The following CACHD1 variants were observed in gnomAD, a reference collection of about 807,000 sequenced individuals.
CACHD1 encodes VWFA and cache domain-containing protein 1.
A neutral mutation model predicts 138.7 loss-of-function variants in CACHD1; 71 were observed. The observed-to-expected ratio is 0.51, with a 90% CI of 0.42 to 0.62. The LOEUF is 0.62. Ranked by LOEUF, CACHD1 falls within the 20% of genes least tolerant of loss-of-function variation. The probability of loss-of-function intolerance (pLI) is 0.00; values close to 1 mark genes in which losing one functional copy is unlikely to be tolerated. For synonymous variants in CACHD1, 578 were observed against 591.5 expected, an observed-to-expected ratio of 0.98 and a Z score of 0.33; for missense variants, 1,389 against 1,625.3, an observed-to-expected ratio of 0.85 and a Z score of 2.50.
chr1:64,478,353 C>A (rs1646188895), intron 1 of CACHD1, among the ~76,000 whole-genome samples: 1 of 152,148 alleles, frequency 6.6e-6, no homozygotes, highest in African/African-American at 2.4e-5. Flanking sequence ...GGCATATAGT[C>A]TAGGCACACA....
At chr1:64,483,515 T>C (rs1646223387) in intron 1 of CACHD1, among the ~76,000 whole-genome samples, 1 of 151,708 alleles carries the variant, frequency 6.6e-6, no homozygotes. Flanking sequence ...TGAGTAATGT[T>C]TTGAAGGAAA....
At chr1:64,476,516 C>T (rs1040043113) in intron 1 of CACHD1, among the ~76,000 whole-genome samples, 4 of 152,220 alleles carry the variant, frequency 2.6e-5, no homozygotes, top group East Asian at 3.8e-4. Flanking sequence ...TTTGATTCTA[C>T]GCCTTGTGTA....
intron 24 of CACHD1, among the ~76,000 whole-genome samples, 194 bp from the exon 25 acceptor site, chr1:64,681,061 CTTG>C (rs1268828058): frequency 6.6e-6 from 1 of 152,100 alleles, no homozygotes; most frequent in Non-Finnish European, 1.5e-5. Flanking sequence ...CTCTTGATTA[CTTG>C]TTCTTCTTGT....
At chr1:64,623,459 A>G (rs1647987181) in intron 4 of CACHD1, among the ~76,000 whole-genome samples, 1 of 39,788 alleles carries the variant, frequency 2.5e-5, no homozygotes, top group Non-Finnish European at 5.4e-5. Flanking sequence ...ACACAAACAT[A>G]CAGATCATCC....
In CACHD1 at chr1:64,629,359, T is replaced by C; in HGVS notation, c.522T>C (p.Leu174=). 1 of 1,613,990 alleles carries C rather than the reference T, an allele frequency of 6.2e-7. No individual in the cohort carries two copies. The highest frequency in any genetic ancestry group is 8.5e-7 in the Non-Finnish European group (1 of 1,179,922). The change falls in exon 5 of 27, where the codon CTT becomes CTC. Residue 174 remains leucine (L), a synonymous_variant. Coordinates refer to ENST00000651257, the MANE Select transcript of CACHD1 (RefSeq NM_020925.4). Reference sequence around the variant, plus strand: ...TCATTTTCCTTACACCTCTAGTTCTTGCAGACAACCTGAAATCCAACCCTG... The same window carrying C: ...TCATTTTCCTTACACCTCTAGTTCTCGCAGACAACCTGAAATCCAACCCTG... ...FNPGRDLNSV[L]ADNLKSNPGI...
intron 6 of CACHD1, among the ~76,000 whole-genome samples, chr1:64,633,047 A>G (rs1296869089): frequency 1.3e-5 from 2 of 152,200 alleles, no homozygotes; most frequent in Non-Finnish European, 2.9e-5. Flanking sequence ...AATACAGTAC[A>G]CTGCAGAATA....
intron 8 of CACHD1, among the ~76,000 whole-genome samples, chr1:64,644,881 T>G (rs1189388491): frequency 1.3e-5 from 2 of 152,210 alleles, no homozygotes; most frequent in Non-Finnish European, 2.9e-5. Context: ...GCGGATCACC[T>G]GAGGTCAGGA....
rs149581482 is a variant in CACHD1 at position 64,600,153 on chromosome 1, T to C, written c.411-2653T>C. ...GCAAAGTCCAGATGTCAGCTGCAGA[T>C]GTACCTCAGAACTACCCTATTCTCT... On this transcript the variant is annotated intron_variant, in intron 3 of 26. Coordinates refer to ENST00000651257, the MANE Select transcript of CACHD1 (RefSeq NM_020925.4). Among the ~76,000 whole-genome samples, 78 of 152,288 alleles carry C rather than the reference T, an allele frequency of 5.1e-4. No individual in the cohort carries two copies. In the East Asian group the frequency reaches 0.015, roughly 29 times the overall value.
intron 3 of CACHD1, among the ~76,000 whole-genome samples, chr1:64,589,459 A>G (rs563929418): frequency 6.6e-6 from 1 of 152,162 alleles, no homozygotes; most frequent in Admixed American, 6.5e-5. Context: ...CCTCCAAAGA[A>G]GTAGAACCAA....
chr1:64,496,886 AAAAG>A (rs1646309584), intron 1 of CACHD1, among the ~76,000 whole-genome samples: 1 of 151,576 alleles, frequency 6.6e-6, no homozygotes, highest in South Asian at 2.1e-4. Context: ...AAAAGAAAGA[AAAAG>A]AAAAAAGAAA....
intron 9 of CACHD1, among the ~76,000 whole-genome samples, chr1:64,648,388 T>C (rs1000900963): frequency 6.6e-6 from 1 of 152,220 alleles, no homozygotes; most frequent in African/African-American, 2.4e-5. Context: ...AACATGGGCC[T>C]GGCCTCAGGT....
Position 64,515,767 on chromosome 1 carries a change from T to G in CACHD1, c.199-34827T>G, listed in dbSNP as rs573468775. Among the ~76,000 whole-genome samples the G allele has an allele frequency of 3.9e-5, 6 of 152,208 alleles. No individual in the cohort carries two copies. The East Asian group carries it at 1.2e-3, about 29-fold the overall frequency. ...ATTTGGGGATGCAGGTGGTCTGAAG[T>G]GGTGTGCAGAAATTAAACTAACATG... On this transcript the variant is annotated intron_variant, in intron 1 of 26. Coordinates refer to ENST00000651257, the MANE Select transcript of CACHD1 (RefSeq NM_020925.4).
intron 3 of CACHD1, among the ~76,000 whole-genome samples, chr1:64,589,938 C>A (rs1010781203): frequency 6.6e-6 from 1 of 152,108 alleles, no homozygotes; most frequent in East Asian, 1.9e-4. Context: ...TTTTGTTAAC[C>A]TTCGGATTTA....
intron 3 of CACHD1, among the ~76,000 whole-genome samples, chr1:64,599,130 T>C (rs12076756): frequency 0.016 from 2,400 of 152,110 alleles, 61 homozygotes; most frequent in African/African-American, 0.054. Context: ...AATCTGCCAG[T>C]ACCTTAATCA....
intron 3 of CACHD1, among the ~76,000 whole-genome samples, chr1:64,595,757 A>G (rs550361569): frequency 6.6e-6 from 1 of 152,354 alleles, no homozygotes; most frequent in East Asian, 1.9e-4. Context: ...AGTGAGACAC[A>G]AGGTCACAGC....
chr1:64,604,964 T>C (rs192802715), intron 4 of CACHD1, among the ~76,000 whole-genome samples: 6 of 146,302 alleles, frequency 4.1e-5, no homozygotes, highest in Non-Finnish European at 6.0e-5. Context: ...TTTTCTTTTT[T>C]TTCTTTGTTT....
chr1:64,653,893 G>A lies in CACHD1; in HGVS notation c.1664+12G>A. 6.2e-7 allele frequency: 1 copy of A among 1,611,114 alleles called. No homozygotes were observed. The highest frequency in any genetic ancestry group is 8.5e-7 in the Non-Finnish European group (1 of 1,178,964). ...CAAAATATCCTAAGGTAAGGAAAAG[G>A]TGAGGGTCATAGGATTGTTTTTCCC... On this transcript the variant is annotated intron_variant, in intron 11 of 26. Coordinates refer to ENST00000651257, the MANE Select transcript of CACHD1 (RefSeq NM_020925.4).
At chr1:64,553,926 C>T (rs887953403) in intron 2 of CACHD1, among the ~76,000 whole-genome samples, 1 of 152,168 alleles carries the variant, frequency 6.6e-6, no homozygotes, top group Non-Finnish European at 1.5e-5. Context: ...CCCATGTTGA[C>T]ATCTGTAATT....
At chr1:64,575,355 A>G (rs1557501104) in intron 2 of CACHD1, among the ~76,000 whole-genome samples, 2 of 152,242 alleles carry the variant, frequency 1.3e-5, no homozygotes, top group South Asian at 4.1e-4. Flanking sequence ...TATATCCTGT[A>G]TATGATGTGC....
Sources: gnomAD v4.1 joint callset for allele counts (sites outside exome capture counted in the v4.1 genomes callset) on GRCh38, gnomAD v4.1.1 for gene constraint, MANE v1.5 for transcripts, NCBI Gene and HGNC (gene_info 2026-07-23, HGNC 2026-07-21) for gene names.